CSMD1: variants seen among roughly 807,000 people sequenced by gnomAD.
CSMD1 encodes CUB and Sushi multiple domains 1, also known as CUB and sushi domain-containing protein 1.
CSMD1 carries 213 observed loss-of-function variants against 417.5 expected under a neutral mutation model. The ratio of observed to expected loss-of-function variants is 0.51; its 90% CI spans 0.46 to 0.57. The LOEUF (loss-of-function observed/expected upper bound fraction) is 0.57, where lower values mean the gene tolerates loss of function less well. Ranked by LOEUF, CSMD1 falls within the 20% of genes least tolerant of loss-of-function variation. The pLI, the probability that CSMD1 is intolerant of heterozygous loss-of-function variation, is 0.00. For missense variants in CSMD1, 6,923 were observed against 4,529.7 expected (o/e 1.53, Z -15.17); for synonymous variants, 2,862 against 1,736.8 (o/e 1.65, Z -16.11).
chr8:2,938,600 G>T lies in CSMD1; in HGVS notation c.10680C>A (p.Val3560=), dbSNP rs372725413. 19 of 1,612,112 alleles carry T rather than the reference G, an allele frequency of 1.2e-5. No individual in the cohort carries two copies. In the South Asian group the frequency reaches 2.0e-4, roughly 17 times the overall value. ...GCACTGAGGGCTATACCACTGTACA[G>T]ACTGTGTTCAGAGTTGTGTCAAACC... is the stretch of plus-strand genomic sequence containing the variant. ...AVRFDTTLNT[V]CTVV Residue 3560 remains valine, a synonymous_variant, in exon 70 of 70, where the codon GTC becomes GTA. Coordinates refer to ENST00000635120, the MANE Select transcript of CSMD1 (RefSeq NM_033225.6).
intron 3 of CSMD1, among the ~76,000 whole-genome samples, chr8:4,353,718 CCA>C (rs1484750302): frequency 6.6e-6 from 1 of 151,074 alleles, no homozygotes; most frequent in Non-Finnish European, 1.5e-5. Flanking sequence ...TCTTTGTGAA[CCA>C]CAGTTTTTGT....
chr8:4,100,339 A>T lies in CSMD1; in HGVS notation c.416-68240T>A, dbSNP rs373347948. ...ACCTTCACCAAATGAATGCCTCGTG[A>T]CTTCTAGATTCTGGCAGCATTCCTC... On this transcript the variant is annotated intron_variant, in intron 3 of 69. Coordinates refer to ENST00000635120, the MANE Select transcript of CSMD1 (RefSeq NM_033225.6). Among the ~76,000 whole-genome samples the T allele has an allele frequency of 2.3e-3, 351 of 152,274 alleles. 3 individuals carry two copies. The highest frequency in any genetic ancestry group is 3.4e-3 in the Middle Eastern group (1 of 294).
chr8:3,193,420 G>A (rs530634596), intron 33 of CSMD1, among the ~76,000 whole-genome samples: 2 of 152,246 alleles, frequency 1.3e-5, no homozygotes, highest in African/African-American at 4.8e-5. Context: ...GAGGCAGGGA[G>A]AAGCTGTGGA....
intron 3 of CSMD1, among the ~76,000 whole-genome samples, chr8:4,387,183 G>T (rs1050393638): frequency 6.6e-6 from 1 of 152,160 alleles, no homozygotes; most frequent in East Asian, 1.9e-4. Context: ...CCATCTTGTG[G>T]CTAGGAGGTA....
At chr8:4,596,474 A>T (rs566661174) in intron 2 of CSMD1, among the ~76,000 whole-genome samples, 34 of 152,200 alleles carry the variant, frequency 2.2e-4, no homozygotes, top group South Asian at 6.2e-4. Flanking sequence ...CATCATAGAC[A>T]TAATACTTAA....
At chr8:3,552,153 G>C (rs1294069098) in intron 10 of CSMD1, among the ~76,000 whole-genome samples, 1 of 152,324 alleles carries the variant, frequency 6.6e-6, no homozygotes, top group African/African-American at 2.4e-5. Flanking sequence ...CATCTTCTAA[G>C]AGAAAGAGGT....
intron 5 of CSMD1, among the ~76,000 whole-genome samples, chr8:3,838,469 A>T (rs1802851825): frequency 7.3e-6 from 1 of 137,418 alleles, no homozygotes; most frequent in African/African-American, 2.7e-5. Context: ...AGGCTATATT[A>T]TATTATATAT....
At chr8:4,710,111 T>A (rs1808194985) in intron 1 of CSMD1, among the ~76,000 whole-genome samples, 1 of 152,154 alleles carries the variant, frequency 6.6e-6, no homozygotes. Flanking sequence ...AAGCAAGTTC[T>A]GATAACCTTC....
rs528287900 is a variant in CSMD1, at chr8:3,085,971, GC to G, written c.7474+1125del. On this transcript the variant is annotated intron_variant, in intron 49 of 69. Coordinates refer to ENST00000635120, the MANE Select transcript of CSMD1 (RefSeq NM_033225.6). ...ACAGGAAATGACTTCAGGAGTTTCT[GC>G]CCATTCCACCGAATCCCTTTCCTGT... Among the ~76,000 whole-genome samples the G allele has an allele frequency of 4.6e-5, 7 of 152,204 alleles. No individual in the cohort carries two copies. The East Asian group carries it at 1.4e-3, about 30-fold the overall frequency.
At chr8:3,948,006 G>C (rs1453469080) in intron 5 of CSMD1, among the ~76,000 whole-genome samples, 1 of 152,176 alleles carries the variant, frequency 6.6e-6, no homozygotes, top group Non-Finnish European at 1.5e-5. Flanking sequence ...AGGTGTTCGA[G>C]ACCAGCCTGG....
chr8:4,207,477 G>T (rs146949618), intron 3 of CSMD1, among the ~76,000 whole-genome samples: 4 of 151,972 alleles, frequency 2.6e-5, no homozygotes, highest in Non-Finnish European at 5.9e-5. Context: ...TTAAATAGCC[G>T]ATTAAAATGT....
At chr8:4,113,876 G>A (rs1223957229) in intron 3 of CSMD1, among the ~76,000 whole-genome samples, 1 of 152,192 alleles carries the variant, frequency 6.6e-6, no homozygotes, top group East Asian at 1.9e-4. Flanking sequence ...TGAAGGCTGA[G>A]AGAGGTAAGG....
chr8:4,070,689 G>C (rs1799508397), intron 3 of CSMD1, among the ~76,000 whole-genome samples: 2 of 152,184 alleles, frequency 1.3e-5, no homozygotes, highest in South Asian at 4.2e-4. Flanking sequence ...CGTCACTGAA[G>C]ATCCAAGTTT....
chr8:2,998,240 C>T, intron 53 of CSMD1, 56 bp from the exon 54 acceptor site: 4 of 1,556,650 alleles, frequency 2.6e-6, no homozygotes, highest in Non-Finnish European at 3.5e-6. Flanking sequence ...ATCACTTTCC[C>T]TTGGGATTAT....
At chr8:3,504,935 G>C (rs529170492) in intron 10 of CSMD1, among the ~76,000 whole-genome samples, 3 of 151,924 alleles carry the variant, frequency 2.0e-5, no homozygotes, top group African/African-American at 7.3e-5. Context: ...GGCAGAGATA[G>C]AAAATGCTTA....
At chr8:3,887,453 G>C (rs1806642906) in intron 5 of CSMD1, among the ~76,000 whole-genome samples, 1 of 152,154 alleles carries the variant, frequency 6.6e-6, no homozygotes, top group Non-Finnish European at 1.5e-5. Context: ...CATGAAAGTG[G>C]GGCTAATTTT....
intron 5 of CSMD1, among the ~76,000 whole-genome samples, chr8:3,841,627 C>T (rs1397073621): frequency 6.6e-6 from 1 of 152,018 alleles, no homozygotes; most frequent in Non-Finnish European, 1.5e-5. Context: ...CCTAGTTTTT[C>T]AGGTCACACA....
At chr8:3,659,989 T>G (rs1798328115) in intron 7 of CSMD1, among the ~76,000 whole-genome samples, 2 of 152,202 alleles carry the variant, frequency 1.3e-5, no homozygotes, top group Non-Finnish European at 2.9e-5. Flanking sequence ...ACTCACACAC[T>G]GCTCGTTCTG....
chr8:3,512,372 C>T (rs1322729267), intron 10 of CSMD1, among the ~76,000 whole-genome samples: 1 of 152,130 alleles, frequency 6.6e-6, no homozygotes, highest in African/African-American at 2.4e-5. Context: ...CTCAGAAATT[C>T]AAGATTACTC....
Sources: gnomAD v4.1 joint callset for allele counts (sites outside exome capture counted in the v4.1 genomes callset) on GRCh38, gnomAD v4.1.1 for gene constraint, MANE v1.5 for transcripts, NCBI Gene and HGNC (gene_info 2026-07-23, HGNC 2026-07-21) for gene names.